Variants in ZNF831 observed in about 807,000 individuals in gnomAD.
ZNF831 encodes chromosome 20 open reading frame 174.
In ZNF831, 59 loss-of-function variants were observed where a neutral mutation model predicts 95.8. The ratio of observed to expected loss-of-function variants is 0.62; its 90% CI spans 0.50 to 0.77. ZNF831 has a LOEUF of 0.77. Ranked by LOEUF, ZNF831 falls within the 30% of genes least tolerant of loss-of-function variation. ZNF831 has a pLI of 0.00. For synonymous variants in ZNF831, 961 were observed against 925.5 expected (o/e 1.04, Z -0.70); for missense variants, 2,205 against 2,164.0 (o/e 1.02, Z -0.38).
chr20:59,141,577 G>T (rs915491717), intron 1 of ZNF831, among the ~76,000 whole-genome samples: 1 of 152,174 alleles, frequency 6.6e-6, no homozygotes, highest in Non-Finnish European at 1.5e-5. Flanking sequence ...ATTGATTTAG[G>T]TGTTTTTCTC....
At chr20:59,148,034 G>A (rs1979973306) in intron 2 of ZNF831, among the ~76,000 whole-genome samples, 1 of 152,214 alleles carries the variant, frequency 6.6e-6, no homozygotes, top group Non-Finnish European at 1.5e-5. Flanking sequence ...CTACATCATG[G>A]ACCCTAATTA....
chr20:59,195,321 C>T (rs538470679), intron 2 of ZNF831, among the ~76,000 whole-genome samples: 2 of 152,312 alleles, frequency 1.3e-5, no homozygotes, highest in Admixed American at 6.5e-5. Context: ...AGGGGGTTCA[C>T]GCACCTGGTT....
At position 59,193,332 on chromosome 20, in the gene ZNF831, T is replaced by A. The variant is rs1376226859; in HGVS notation, c.2313T>A (p.Gly771=). The change falls in exon 2 of 6, where the codon GGT becomes GGA. Residue 771 remains glycine, a synonymous_variant. Transcript: ENST00000371030. ...MPPAPGPLKG[G]DVEAPRPVWP... is the part of the protein sequence containing the mutation. ...CAGCACCTGGCCCCCTCAAAGGGGG[T>A]GATGTAGAGGCTCCCAGGCCAGTTT... 2 of 1,611,848 alleles carry A rather than the reference T, an allele frequency of 1.2e-6. No homozygotes were observed. The highest frequency in any genetic ancestry group is 1.3e-5 in the African/African-American group (1 of 74,490).
chr20:59,210,733 C>T (rs1231686103), intron 4 of ZNF831, among the ~76,000 whole-genome samples: 1 of 152,208 alleles, frequency 6.6e-6, no homozygotes, highest in African/African-American at 2.4e-5. Context: ...GAGCTCCCTC[C>T]ATGTGGGGGA....
At chr20:59,249,133 T>C (rs1458650369) in intron 4 of ZNF831, among the ~76,000 whole-genome samples, 1 of 152,224 alleles carries the variant, frequency 6.6e-6, no homozygotes, top group Non-Finnish European at 1.5e-5. Context: ...GTCTAGAATA[T>C]CCTTTGTGGA....
In ZNF831 at chr20:59,253,880, C is replaced by CTT; in HGVS notation, c.4189-16_4189-15dup. The CTT allele has an allele frequency of 1.6e-6, 1 of 621,694 alleles. No individual in the cohort carries two copies. Among genetic ancestry groups the CTT allele is most frequent in the African/African-American group, 2.7e-5 (1 of 37,396 alleles). The allele number at this position is 621,694 out of a possible 1,614,324, so 38.5% of individuals were successfully genotyped here. A position where few individuals can be genotyped will look rare whatever the true frequency, so the allele number is the denominator to read the frequency against. Reference sequence around the variant, plus strand: ...AACCTCCCCCCCCACTTTTTTTTTCCTTTGCACTTTGTTGCAGGATATTTC... The same window carrying CTT: ...AACCTCCCCCCCCACTTTTTTTTTCCTTTTTGCACTTTGTTGCAGGATATTTC... On this transcript the variant is annotated splice_polypyrimidine_tract_variant and intron_variant, in intron 5 of 5. Coordinates refer to ENST00000371030, the MANE Select transcript of ZNF831 (RefSeq NM_178457.3).
At chr20:59,155,803 G>GT (rs1233514776) in intron 2 of ZNF831, among the ~76,000 whole-genome samples, 1 of 152,202 alleles carries the variant, frequency 6.6e-6, no homozygotes. Context: ...GAGACCCTGA[G>GT]TGAAAGGAAC....
intron 4 of ZNF831, among the ~76,000 whole-genome samples, chr20:59,250,381 C>T (rs537082385): frequency 2.6e-5 from 4 of 152,310 alleles, no homozygotes; most frequent in Admixed American, 6.5e-5. Flanking sequence ...GACCAGTACA[C>T]GTGGAGACCT....
chr20:59,225,259 T>C (rs1323979896), intron 4 of ZNF831, among the ~76,000 whole-genome samples: 1 of 152,224 alleles, frequency 6.6e-6, no homozygotes, highest in Non-Finnish European at 1.5e-5. Flanking sequence ...AGTTGTTCTT[T>C]TTTATTTTGT....
intron 4 of ZNF831, among the ~76,000 whole-genome samples, chr20:59,209,769 ATT>A (rs1985162331): frequency 5.6e-5 from 4 of 71,316 alleles, no homozygotes; most frequent in African/African-American, 3.9e-4. Flanking sequence ...GCCTCCAGCT[ATT>A]TCCTGCTATT....
At chr20:59,200,341 T>G (rs1367239247) in intron 3 of ZNF831, among the ~76,000 whole-genome samples, 4 of 152,168 alleles carry the variant, frequency 2.6e-5, no homozygotes, top group Non-Finnish European at 4.4e-5. Flanking sequence ...ATTAGTCCTT[T>G]TCTATCTTTC....
intron 1 of ZNF831, among the ~76,000 whole-genome samples, chr20:59,129,245 A>C (rs1337820780): frequency 2.0e-5 from 3 of 151,496 alleles, no homozygotes; most frequent in Non-Finnish European, 2.9e-5. Context: ...GTGCATGTGC[A>C]TGTGTGTATG....
At chr20:59,186,201 C>T (rs867655428) in intron 1 of ZNF831, among the ~76,000 whole-genome samples, 1 of 152,186 alleles carries the variant, frequency 6.6e-6, no homozygotes, top group Non-Finnish European at 1.5e-5. Context: ...TCCTTCACCC[C>T]CAGCCTTCCC....
chr20:59,143,559 G>A (rs1979746104), intron 1 of ZNF831, among the ~76,000 whole-genome samples: 1 of 152,192 alleles, frequency 6.6e-6, no homozygotes, highest in Non-Finnish European at 1.5e-5. Context: ...GCTCTTCAGA[G>A]CTCTCACCCA....
At position 59,193,148 on chromosome 20, in the gene ZNF831, A is replaced by C. The variant is rs1983755630; in HGVS notation, c.2129A>C (p.His710Pro). The change falls in exon 2 of 6, where the codon CAT (histidine) becomes CCT (proline). Residue 710 changes from histidine (H) to proline (P), a missense_variant. By Grantham distance (77) the His-to-Pro change is moderately conservative. Transcript: ENST00000371030. Reference protein sequence around the residue: ...EASLVTEPTKHGETVARRGDS... With the variant: ...EASLVTEPTKPGETVARRGDS... ...TCCTTGGTGACTGAACCCACTAAGC[A>C]TGGGGAGACGGTGGCCAGGAGAGGA... The C allele has an allele frequency of 6.3e-7, 1 of 1,576,794 alleles. No homozygotes were observed. The highest frequency in any genetic ancestry group is 2.4e-5 in the East Asian group (1 of 42,460).
intron 1 of ZNF831, among the ~76,000 whole-genome samples, chr20:59,145,848 G>A (rs1463535074): frequency 6.6e-6 from 1 of 152,164 alleles, no homozygotes; most frequent in Non-Finnish European, 1.5e-5. Flanking sequence ...GGGACCAAGG[G>A]AGCCCAGACA....
In ZNF831 at chr20:59,254,923, T is replaced by C. The variant is rs944731783; in HGVS notation, c.*180T>C. ...TCTGACCCCCAACTCAGCCGCAGCG[T>C]TCCCCAGCTCCCCTTGGGAGTGCTC... is the stretch of plus-strand genomic sequence containing the variant. On this transcript the variant is annotated 3_prime_UTR_variant, in exon 6 of 6. Transcript: ENST00000371030. The surrounding 1 kb of genome is among the most constrained non-coding windows in gnomAD (Gnocchi z 4.5). 7 of 767,052 alleles carry C rather than the reference T, an allele frequency of 9.1e-6. No individual in the cohort carries two copies. In the African/African-American group the frequency reaches 1.1e-4, roughly 12 times the overall value. The allele number at this position is 767,052 out of a possible 1,614,324, so 47.5% of individuals were successfully genotyped here.
rs145414287 is a variant in ZNF831 at position 59,202,755 on chromosome 20, G to C, written c.3876-4150G>C. 5.2e-3 allele frequency among the ~76,000 whole-genome samples: 787 copies of C among 152,308 alleles called. 3 individuals carry two copies. The highest frequency in any genetic ancestry group is 0.011 in the Admixed American group (163 of 15,298). ...GAGTCCTGTACCCTCAGCTGCACCAGAGCATGAAAATAGGAAGGTCATCCT... is the reference window on the plus strand; with the variant it reads ...GAGTCCTGTACCCTCAGCTGCACCACAGCATGAAAATAGGAAGGTCATCCT... On this transcript the variant is annotated intron_variant, in intron 3 of 5. Transcript: ENST00000371030.
At chr20:59,147,883 C>A in intron 2 of ZNF831, among the ~76,000 whole-genome samples, 1 of 152,214 alleles carries the variant, frequency 6.6e-6, no homozygotes. Flanking sequence ...CATGATTGTA[C>A]GCATGAAGCC....
Sources: allele counts gnomAD v4.1 joint callset (sites outside exome capture counted in the v4.1 genomes callset), GRCh38; gene constraint gnomAD v4.1.1; non-coding constraint Gnocchi (gnomAD v3.1); transcripts MANE v1.5; gene names NCBI Gene and HGNC (gene_info 2026-07-23, HGNC 2026-07-21).